CTNNA3: variants seen among roughly 807,000 people sequenced by gnomAD.
CTNNA3 encodes catenin alpha-3.
In CTNNA3, 76 loss-of-function variants were observed where a neutral mutation model predicts 95.7. The ratio of observed to expected loss-of-function variants is 0.79; its 90% CI spans 0.66 to 0.96. CTNNA3 has a LOEUF of 0.96. Among genes scored for constraint, CTNNA3 ranks in the 40% least tolerant of loss-of-function variants. The probability of loss-of-function intolerance (pLI) is 0.00; values close to 1 mark genes in which losing one functional copy is unlikely to be tolerated. For synonymous variants in CTNNA3, 431 were observed against 374.4 expected (o/e 1.15, Z -1.74); for missense variants, 1,191 against 1,089.8 (o/e 1.09, Z -1.31).
At chr10:67,007,010 G>C (rs771895817) in intron 7 of CTNNA3, among the ~76,000 whole-genome samples, 1 of 152,118 alleles carries the variant, frequency 6.6e-6, no homozygotes, top group Non-Finnish European at 1.5e-5. Flanking sequence ...TGGCCAGGCT[G>C]TTCTTGAACT....
intron 7 of CTNNA3, among the ~76,000 whole-genome samples, chr10:67,073,643 A>C (rs1856583738): frequency 6.6e-6 from 1 of 152,172 alleles, no homozygotes; most frequent in Non-Finnish European, 1.5e-5. Context: ...AATCACACAC[A>C]AAAAATAATA....
intron 15 of CTNNA3, among the ~76,000 whole-genome samples, chr10:66,055,392 C>A (rs1231390699): frequency 2.0e-5 from 3 of 152,048 alleles, no homozygotes; most frequent in Non-Finnish European, 4.4e-5. Flanking sequence ...CCTTCAATTT[C>A]TTTCATCAAT....
In CTNNA3 at chr10:67,442,425, T is replaced by TA. The variant is rs568970105; in HGVS notation, c.579+79416dup. ...AATGTCACAGAGTGGCTAAACAGAT[T>TA]AAAAAAAAGAGAGAGACCCAATGAT... On this transcript the variant is annotated intron_variant, in intron 5 of 17. Coordinates refer to ENST00000433211, the MANE Select transcript of CTNNA3 (RefSeq NM_013266.4). Among the ~76,000 whole-genome samples the TA allele has an allele frequency of 4.0e-4, 61 of 151,458 alleles. 1 individual carries two copies. The highest frequency in any genetic ancestry group is 9.7e-4 in the African/African-American group (40 of 41,298).
intron 13 of CTNNA3, among the ~76,000 whole-genome samples, chr10:66,151,198 T>A (rs1159485051): frequency 6.6e-6 from 1 of 151,976 alleles, no homozygotes; most frequent in African/African-American, 2.4e-5. Flanking sequence ...GAATGTCATG[T>A]CTAAATTGAT....
At chr10:67,650,446 T>C (rs993356849) in intron 1 of CTNNA3, among the ~76,000 whole-genome samples, 13 of 152,220 alleles carry the variant, frequency 8.5e-5, no homozygotes, top group African/African-American at 3.1e-4. Context: ...GGAGAACAAA[T>C]CTCTTGACAG....
intron 1 of CTNNA3, among the ~76,000 whole-genome samples, chr10:67,762,799 G>A (rs376131246): frequency 1.1e-4 from 17 of 152,302 alleles, no homozygotes; most frequent in African/African-American, 3.8e-4. Flanking sequence ...AATCAGTTAT[G>A]TTATCTACAG....
intron 7 of CTNNA3, among the ~76,000 whole-genome samples, chr10:67,097,420 C>T (rs1177656257): frequency 1.3e-5 from 2 of 151,828 alleles, no homozygotes; most frequent in African/African-American, 4.8e-5. Flanking sequence ...ACTGATCTCA[C>T]CATATAGGAA....
chr10:67,245,747 A>T (rs1479559014), intron 5 of CTNNA3, among the ~76,000 whole-genome samples: 1 of 151,560 alleles, frequency 6.6e-6, no homozygotes, highest in Admixed American at 6.6e-5. Context: ...AGTCCCAGCT[A>T]CTCAAGAGGC....
intron 5 of CTNNA3, among the ~76,000 whole-genome samples, chr10:67,386,686 T>C (rs1339478277): frequency 6.6e-6 from 1 of 152,194 alleles, no homozygotes; most frequent in Non-Finnish European, 1.5e-5. Flanking sequence ...GGCCTTTGTA[T>C]ATGTTTTAAG....
intron 11 of CTNNA3, among the ~76,000 whole-genome samples, chr10:66,439,013 T>C (rs1204540682): frequency 1.3e-5 from 2 of 152,092 alleles, no homozygotes; most frequent in Admixed American, 6.5e-5. Context: ...TCACCCTCCA[T>C]GGGCTGCACC....
At chr10:66,103,424 C>A (rs2081735841) in intron 13 of CTNNA3, among the ~76,000 whole-genome samples, 175 bp from the exon 14 acceptor site, 1 of 152,156 alleles carries the variant, frequency 6.6e-6, no homozygotes, top group African/African-American at 2.4e-5. Flanking sequence ...AATACGTATA[C>A]ACAAATGTTC....
intron 5 of CTNNA3, among the ~76,000 whole-genome samples, chr10:67,313,354 C>A (rs1840896455): frequency 6.6e-6 from 1 of 151,760 alleles, no homozygotes. Flanking sequence ...ATGGCATGAA[C>A]CCGGGAGGCG....
intron 7 of CTNNA3, among the ~76,000 whole-genome samples, chr10:66,874,888 C>T (rs2132450329): frequency 6.6e-6 from 1 of 152,278 alleles, no homozygotes; most frequent in Non-Finnish European, 1.5e-5. Flanking sequence ...TGCTAGGGAA[C>T]CAGAAACAGA....
intron 13 of CTNNA3, among the ~76,000 whole-genome samples, chr10:66,159,626 G>GTTTTTTTTTTTTTTTTTGT (rs2084741627): frequency 8.7e-6 from 1 of 114,936 alleles, no homozygotes; most frequent in Non-Finnish European, 1.8e-5. Flanking sequence ...TTTGTTTTCT[G>GTTTTTTTTTTTTTTTTTGT]TTTTTTTTTT....
intron 2 of CTNNA3, among the ~76,000 whole-genome samples, chr10:67,636,344 A>C (rs929283999): frequency 6.6e-6 from 1 of 152,238 alleles, no homozygotes; most frequent in African/African-American, 2.4e-5. Context: ...GGAACCAAAA[A>C]ACAGCTCAAA....
At chr10:66,287,316 A>G (rs974473319) in intron 12 of CTNNA3, among the ~76,000 whole-genome samples, 2 of 152,044 alleles carry the variant, frequency 1.3e-5, no homozygotes, top group Non-Finnish European at 2.9e-5. Context: ...CTTTTTGTAA[A>G]GCTCCTATGT....
intron 13 of CTNNA3, among the ~76,000 whole-genome samples, chr10:66,201,584 G>A (rs1204147735): frequency 1.3e-5 from 2 of 152,008 alleles, no homozygotes; most frequent in Non-Finnish European, 2.9e-5. Flanking sequence ...GCCACGTGAT[G>A]TTACTTCTTT....
chr10:66,360,708 C>CTT (rs1268321931), intron 12 of CTNNA3, among the ~76,000 whole-genome samples: 3 of 85,994 alleles, frequency 3.5e-5, no homozygotes, highest in African/African-American at 1.2e-4. Flanking sequence ...TTCTTTCTTT[C>CTT]CTCCTTCCTT....
intron 13 of CTNNA3, among the ~76,000 whole-genome samples, chr10:66,146,758 T>C (rs1057376648): frequency 6.6e-6 from 1 of 152,090 alleles, no homozygotes; most frequent in African/African-American, 2.4e-5. Flanking sequence ...CATTTCACCA[T>C]GATGCTCAGG....
Sources: allele counts gnomAD v4.1 joint callset (sites outside exome capture counted in the v4.1 genomes callset), GRCh38; gene constraint gnomAD v4.1.1; transcripts MANE v1.5; gene names NCBI Gene and HGNC (gene_info 2026-07-23, HGNC 2026-07-21).